DLGAP1: variants seen among roughly 807,000 people sequenced by gnomAD.
The protein encoded by DLGAP1 is DLG associated protein 1.
A neutral mutation model predicts 90.8 loss-of-function variants in DLGAP1; 11 were observed. The observed-to-expected ratio is 0.12, with a 90% CI of 0.08 to 0.20. DLGAP1 has a LOEUF of 0.20. Ranked by LOEUF, DLGAP1 falls within the 10% of genes least tolerant of loss-of-function variation. DLGAP1 has a pLI of 1.00. For synonymous variants in DLGAP1, 558 were observed against 540.7 expected (o/e 1.03, Z -0.44); for missense variants, 1,050 against 1,333.8 (o/e 0.79, Z 3.31).
At chr18:4,054,076 C>A (rs1174466018) in intron 2 of DLGAP1, among the ~76,000 whole-genome samples, 1 of 152,208 alleles carries the variant, frequency 6.6e-6, no homozygotes, top group Non-Finnish European at 1.5e-5. Context: ...CCACCTGATA[C>A]TTCTGTGCCA....
At chr18:3,898,907 T>A (rs1184239061) in intron 3 of DLGAP1, among the ~76,000 whole-genome samples, 3 of 150,502 alleles carry the variant, frequency 2.0e-5, no homozygotes, top group African/African-American at 7.4e-5. Context: ...AGATAGGCCA[T>A]TTAAAGTAAA....
chr18:3,575,711 A>C (rs1264202684), intron 8 of DLGAP1, among the ~76,000 whole-genome samples: 1 of 152,190 alleles, frequency 6.6e-6, no homozygotes, highest in Non-Finnish European at 1.5e-5. Context: ...AATTTATCCT[A>C]AAGGTGCCTA....
intron 1 of DLGAP1, among the ~76,000 whole-genome samples, chr18:4,298,308 G>A (rs1307699499): frequency 6.6e-6 from 1 of 152,176 alleles, no homozygotes; most frequent in Non-Finnish European, 1.5e-5. Context: ...TCAAACCCAT[G>A]TTGTTCAAGG....
intron 1 of DLGAP1, among the ~76,000 whole-genome samples, chr18:4,416,267 G>A (rs2082897128): frequency 1.3e-5 from 2 of 152,168 alleles, no homozygotes; most frequent in Non-Finnish European, 2.9e-5. Context: ...AGTGTCCTTT[G>A]TGGATCAATT....
At chr18:4,161,192 A>T (rs1412094010) in intron 1 of DLGAP1, among the ~76,000 whole-genome samples, 1 of 152,080 alleles carries the variant, frequency 6.6e-6, no homozygotes, top group Non-Finnish European at 1.5e-5. Context: ...CTAGGTAGTA[A>T]GCCCAGTATC....
intron 2 of DLGAP1, among the ~76,000 whole-genome samples, chr18:4,083,301 G>A (rs985203339): frequency 2.6e-5 from 4 of 152,030 alleles, no homozygotes; most frequent in African/African-American, 4.8e-5. Flanking sequence ...ATTTCTGCTG[G>A]TTACATTAGG....
intron 1 of DLGAP1, among the ~76,000 whole-genome samples, chr18:4,303,489 G>A (rs1211266818): frequency 2.0e-5 from 3 of 152,178 alleles, no homozygotes; most frequent in Non-Finnish European, 4.4e-5. Flanking sequence ...TCAGAGCAGT[G>A]AGGGCCCTAG....
At chr18:3,649,792 A>T (rs1009709028) in intron 7 of DLGAP1, among the ~76,000 whole-genome samples, 5 of 148,902 alleles carry the variant, frequency 3.4e-5, no homozygotes, top group Non-Finnish European at 5.9e-5. Context: ...GAAAAGATAA[A>T]CTTAAAAAAA....
chr18:4,387,930 TACACACACACACA>T (rs2082267056), intron 1 of DLGAP1, among the ~76,000 whole-genome samples: 25 of 123,338 alleles, frequency 2.0e-4, no homozygotes, highest in South Asian at 5.1e-4. Flanking sequence ...CCATCACACA[TACACACACACACA>T]CACACACACA....
chr18:4,287,682 A>T (rs970911335), intron 1 of DLGAP1, among the ~76,000 whole-genome samples: 3 of 151,996 alleles, frequency 2.0e-5, no homozygotes, highest in African/African-American at 4.8e-5. Context: ...AGGGCCTGTC[A>T]TGGGGTGGAG....
rs1037516131 is a variant in DLGAP1, at chr18:4,424,890, T to C, written c.-267+30116A>G. ...TTATTGCTAAATTTCCCTAGCAGCA[T>C]CCATCTAACATTTACTGCATTGTTT... On this transcript the variant is annotated intron_variant, in intron 1 of 12. Transcript: ENST00000315677. Among the ~76,000 whole-genome samples, 14 of 152,150 alleles carry C rather than the reference T, an allele frequency of 9.2e-5. No individual in the cohort carries two copies. The East Asian group carries it at 1.5e-3, about 17-fold the overall frequency.
chr18:4,303,909 G>C (rs1344411968), intron 1 of DLGAP1, among the ~76,000 whole-genome samples: 1 of 152,148 alleles, frequency 6.6e-6, no homozygotes, highest in Non-Finnish European at 1.5e-5. Context: ...TGTTAGAACT[G>C]GTTTTGAAAA....
chr18:3,549,573 C>T (rs978755697), intron 9 of DLGAP1, among the ~76,000 whole-genome samples: 1 of 152,142 alleles, frequency 6.6e-6, no homozygotes. Flanking sequence ...CCTCGTGATC[C>T]ACCCGCCTCG....
At chr18:3,544,718 C>CA (rs2052909762) in intron 9 of DLGAP1, among the ~76,000 whole-genome samples, 4 of 83,112 alleles carry the variant, frequency 4.8e-5, no homozygotes, top group Non-Finnish European at 8.1e-5. Context: ...GTGTACTTTG[C>CA]TTTTATTTAT....
chr18:3,955,287 C>G (rs2073062493), intron 3 of DLGAP1, among the ~76,000 whole-genome samples: 1 of 151,962 alleles, frequency 6.6e-6, no homozygotes, highest in South Asian at 2.1e-4. Flanking sequence ...AAAGCAAGAC[C>G]CAAAAAGATC....
intron 3 of DLGAP1, among the ~76,000 whole-genome samples, chr18:3,906,514 T>G (rs974934028): frequency 2.2e-4 from 33 of 152,330 alleles, no homozygotes; most frequent in African/African-American, 7.5e-4. Context: ...ATTCTAGAGC[T>G]TTTCTAGACG....
chr18:4,446,940 AC>A (rs2144877255), intron 1 of DLGAP1, among the ~76,000 whole-genome samples: 1 of 152,356 alleles, frequency 6.6e-6, no homozygotes, highest in East Asian at 1.9e-4. Context: ...CATCAACATT[AC>A]CAGGAGACAT....
At chr18:4,183,817 C>T (rs1336088622) in intron 1 of DLGAP1, among the ~76,000 whole-genome samples, 1 of 152,140 alleles carries the variant, frequency 6.6e-6, no homozygotes, top group Non-Finnish European at 1.5e-5. Flanking sequence ...TGGTCTAAAA[C>T]TAACATCTGA....
chr18:3,571,153 T>C (rs1484018425), intron 8 of DLGAP1: 2 of 152,004 alleles, frequency 1.3e-5, no homozygotes, highest in African/African-American at 4.8e-5. Context: ...GTAGTATTCC[T>C]GTGTAGGAAT....
Sources: gnomAD v4.1 joint callset for allele counts (sites outside exome capture counted in the v4.1 genomes callset) on GRCh38, gnomAD v4.1.1 for gene constraint, MANE v1.5 for transcripts, NCBI Gene and HGNC (gene_info 2026-07-23, HGNC 2026-07-21) for gene names.